PCDH18: variants seen among roughly 807,000 people sequenced by gnomAD.
PCDH18 encodes protocadherin 18.
A neutral mutation model predicts 71.5 loss-of-function variants in PCDH18; 38 were observed. That is an observed-to-expected ratio of 0.53 (90% CI 0.41 to 0.70). The LOEUF (loss-of-function observed/expected upper bound fraction) is 0.70. PCDH18 is among the 30% of genes least tolerant of loss of function. PCDH18 has a pLI of 0.00. For synonymous variants in PCDH18, 565 were observed against 505.4 expected (o/e 1.12, Z -1.58); for missense variants, 1,334 against 1,384.6 (o/e 0.96, Z 0.58).
Position 137,525,853 on chromosome 4 carries a change from T to A in PCDH18, c.2740+2625A>T, listed in dbSNP as rs1246949525. Among the ~76,000 whole-genome samples the A allele has an allele frequency of 5.3e-5, 8 of 151,880 alleles. No individual in the cohort carries two copies. The East Asian group carries it at 1.2e-3, about 22-fold the overall frequency. Reference sequence around the variant, plus strand: ...TGATTGTGCAAATATGAGATTTTTTTTTAAAAATTGTCTCATGTTAAGTGG... The same window carrying A: ...TGATTGTGCAAATATGAGATTTTTTATTAAAAATTGTCTCATGTTAAGTGG... On this transcript the variant is annotated intron_variant, in intron 3 of 3. Coordinates refer to ENST00000344876, the MANE Select transcript of PCDH18 (RefSeq NM_019035.5).
intron 1 of PCDH18, chr4:137,529,367 C>T (rs991431089): frequency 4.9e-6 from 2 of 409,578 alleles, no homozygotes; most frequent in African/African-American, 4.0e-5. Flanking sequence ...GTGACCTTCA[C>T]ATTTATTTTT....
chr4:137,519,717 T>C lies in PCDH18; in HGVS notation c.*1312A>G, dbSNP rs1005120073. 1 of 152,202 alleles carries C rather than the reference T, an allele frequency of 6.6e-6. No homozygotes were observed. The highest frequency in any genetic ancestry group is 2.4e-5 in the African/African-American group (1 of 41,456). 9.4% of individuals were successfully genotyped at this position (152,202 alleles called of 1,614,324 possible). On this transcript the variant is annotated 3_prime_UTR_variant, in exon 4 of 4. Transcript: ENST00000344876. ...AGTTCCTTAGCTTTACTTTAATTTT[T>C]CTTTTATTTTCACTGACAGAAAAAT...
intron 1 of PCDH18, 119 bp from the exon 2 acceptor site, chr4:137,528,939 T>C: frequency 1.3e-6 from 1 of 762,560 alleles, no homozygotes; most frequent in Non-Finnish European, 2.2e-6. Context: ...ATTCTCTCTA[T>C]TTAAAAGATT....
chr4:137,522,062 T>C (rs1341171197), intron 3 of PCDH18, among the ~76,000 whole-genome samples: 1 of 152,340 alleles, frequency 6.6e-6, no homozygotes, highest in African/African-American at 2.4e-5. Context: ...GTGAAACCTA[T>C]AACTTTAGAA....
At position 137,530,234 on chromosome 4, in the gene PCDH18, C is replaced by A. The variant is rs181780749; in HGVS notation, c.1855G>T (p.Ala619Ser). ...DSGVNAELSC[A>S]IVAGNEENIF... ...TTCTCCTCATTACCTGCTACTATGG[C>A]GCAGCTGAGTTCAGCATTCACACCA... The change falls in exon 1 of 4, where the codon GCC becomes TCC. Residue 619 changes from alanine to serine, a missense_variant. By Grantham distance (99) the Ala-to-Ser change is moderately conservative. This residue lies in a region of PCDH18 where 1,011 missense variants were observed against 1,048.0 expected (regional missense o/e 0.96). Coordinates refer to ENST00000344876, the MANE Select transcript of PCDH18 (RefSeq NM_019035.5). The A allele has an allele frequency of 1.9e-6, 3 of 1,614,002 alleles. No homozygotes were observed. The highest frequency in any genetic ancestry group is 2.5e-6 in the Non-Finnish European group (3 of 1,179,986).
chr4:137,531,060 C>A lies in PCDH18; in HGVS notation c.1029G>T (p.Lys343Asn). The A allele has an allele frequency of 1.2e-6, 2 of 1,611,572 alleles. No individual in the cohort carries two copies. Among genetic ancestry groups the A allele is most frequent in the African/African-American group, 1.3e-5 (1 of 74,876 alleles). ...SIPAHCKIIIKVVDVNDNKPE... is the reference protein window; with the variant it reads ...SIPAHCKIIINVVDVNDNKPE... ...GTTTATTGTCATTAACATCCACAAC[C>A]TTAATTATAATTTTGCAATGGGCTG... The change falls in exon 1 of 4, where the codon AAG becomes AAT. Residue 343 changes from lysine (K) to asparagine (N), a missense_variant. Around this residue, in one of 3 missense-constraint regions of PCDH18, gnomAD observed 1,011 missense variants for 1,048.0 expected, o/e 0.96. Coordinates refer to ENST00000344876, the MANE Select transcript of PCDH18 (RefSeq NM_019035.5).
Position 137,532,297 on chromosome 4 carries a change from T to A in PCDH18, c.-209A>T, listed in dbSNP as rs1317632573. On this transcript the variant is annotated 5_prime_UTR_variant, in exon 1 of 4. It adds an upstream start codon to the 5' untranslated region. Coordinates refer to ENST00000344876, the MANE Select transcript of PCDH18 (RefSeq NM_019035.5). ...ATACCTTCGGCATGGAGTCCAGTCC[T>A]TGCGTTTGTTTGGTCGTTCGTCCTC... The A allele has an allele frequency of 1.4e-5, 10 of 703,138 alleles. No individual in the cohort carries two copies. The Admixed American group carries it at 2.0e-4, about 14-fold the overall frequency. The allele number at this position is 703,138 out of a possible 1,614,324, so 43.6% of individuals were successfully genotyped here.
chr4:137,531,628 G>A lies in PCDH18; in HGVS notation c.461C>T (p.Thr154Ile), dbSNP rs201788393. ...IEISESAAVG[T>I]RIPLDSAFDP... ...AAATGCACTGTCCAGGGGAATGCGA[G>A]TCCCAACTGCTGCACTCTCAGATAT... Residue 154 changes from threonine (T) to isoleucine (I), a missense_variant, in exon 1 of 4, where the codon ACT becomes ATT. By Grantham distance (89) the Thr-to-Ile change is moderately conservative. Transcript: ENST00000344876. 2.5e-6 allele frequency: 4 copies of A among 1,613,874 alleles called. No homozygotes were observed. The highest frequency in any genetic ancestry group is 2.2e-5 in the South Asian group (2 of 91,084).
chr4:137,531,240 A>G lies in PCDH18; in HGVS notation c.849T>C (p.Tyr283=). The part of the protein sequence containing the change: ...PDEGANGKIV[Y]SFSSHVSPKI... ...TGGGAGACACATGACTGCTGAAGGA[A>G]TATACAATTTTCCCATTAGCGCCCT... Residue 283 remains tyrosine, a synonymous_variant, in exon 1 of 4, where the codon TAT becomes TAC. Coordinates refer to ENST00000344876, the MANE Select transcript of PCDH18 (RefSeq NM_019035.5). 6.2e-7 allele frequency: 1 copy of G among 1,613,726 alleles called. No homozygotes were observed. The highest frequency in any genetic ancestry group is 8.5e-7 in the Non-Finnish European group (1 of 1,179,840).
Position 137,521,142 on chromosome 4 carries a change from C to T in PCDH18, c.3295G>A (p.Asp1099Asn). Residue 1099 changes from aspartate (D) to asparagine (N), a missense_variant, in exon 4 of 4, where the codon GAT becomes AAT. Physicochemically the swap from Asp to Asn is conservative, Grantham distance 23 (BLOSUM62 1). This residue lies in a region of PCDH18 where 319 missense variants were observed against 316.3 expected (regional missense o/e 1.01). Transcript: ENST00000344876. ...MEEIPENYEEDDFDNVLNHLN... is the reference protein window; with the variant it reads ...MEEIPENYEENDFDNVLNHLN... ...TGGTTGAGCACATTGTCAAAATCAT[C>T]TTCCTCATAATTTTCAGGGATCTCC... 5.0e-6 allele frequency: 8 copies of T among 1,614,070 alleles called. No homozygotes were observed. The highest frequency in any genetic ancestry group is 6.8e-6 in the Non-Finnish European group (8 of 1,179,912).
Position 137,520,856 on chromosome 4 carries a change from A to G in PCDH18, c.*173T>C, listed in dbSNP as rs1310114954. On this transcript the variant is annotated 3_prime_UTR_variant, in exon 4 of 4. Coordinates refer to ENST00000344876, the MANE Select transcript of PCDH18 (RefSeq NM_019035.5). ...TATTTTTAAAATACAGATTAAAATA[A>G]TCACACTTGCATTGTGTACATACGA... 10 of 493,948 alleles carry G rather than the reference A, an allele frequency of 2.0e-5. No homozygotes were observed. Among genetic ancestry groups the G allele is most frequent in the Non-Finnish European group, 3.2e-5 (9 of 281,278 alleles). 30.6% of individuals were successfully genotyped at this position (493,948 alleles called of 1,614,324 possible).
At chr4:137,529,284 A>G in intron 1 of PCDH18, 2 of 277,694 alleles carry the variant, frequency 7.2e-6, no homozygotes, top group Non-Finnish European at 1.3e-5. Context: ...TTGAAAATAA[A>G]GCAAGTCTCT....
Position 137,531,405 on chromosome 4 carries a change from G to A in PCDH18, c.684C>T (p.Gly228=). Residue 228 remains glycine, a synonymous_variant, in exon 1 of 4, where the codon GGC becomes GGT. Transcript: ENST00000344876. The part of the protein sequence containing the change: ...ASDMGVPQRS[G]SSILKISISD... The stretch of plus-strand genomic sequence containing the variant: ...AAATGCTTATTTTTAGTATGGATGA[G>A]CCAGACCTCTGAGGTACTCCCATGT... 6.2e-7 allele frequency: 1 copy of A among 1,612,804 alleles called. No individual in the cohort carries two copies. Among genetic ancestry groups the A allele is most frequent in the South Asian group, 1.1e-5 (1 of 90,954 alleles).
At position 137,530,005 on chromosome 4, in the gene PCDH18, G is replaced by C; in HGVS notation, c.2084C>G (p.Ser695Cys). 1.2e-6 allele frequency: 2 copies of C among 1,614,038 alleles called. No homozygotes were observed. The highest frequency in any genetic ancestry group is 1.7e-6 in the Non-Finnish European group (2 of 1,179,948). The change falls in exon 1 of 4, where the codon TCC becomes TGC. Residue 695 changes from serine (S) to cysteine (C), a missense_variant. Transcript: ENST00000344876. ...AATTATTATCATGGAGACATCCAAG[G>C]ATGCCTGGCTTACTGAAGTCATTGC... The part of the protein sequence containing the change: ...STAMTSVSQA[S>C]LDVSMIIIIS...
intron 3 of PCDH18, among the ~76,000 whole-genome samples, chr4:137,523,927 A>G (rs567178414): frequency 6.6e-6 from 1 of 152,178 alleles, no homozygotes; most frequent in Non-Finnish European, 1.5e-5. Flanking sequence ...AGAAAAGACT[A>G]ATGGAGGGAA....
In PCDH18 at chr4:137,531,623, T is replaced by C; in HGVS notation, c.466A>G (p.Ile156Val). ...GGATCAAATGCACTGTCCAGGGGAA[T>C]GCGAGTCCCAACTGCTGCACTCTCA... The part of the protein sequence containing the change: ...ISESAAVGTR[I>V]PLDSAFDPDV... The change falls in exon 1 of 4, where the codon ATT (isoleucine) becomes GTT (valine). Residue 156 changes from isoleucine to valine, a missense_variant. Ile to Val is a conservative substitution (Grantham distance 29). This residue lies in a region of PCDH18 where 1,011 missense variants were observed against 1,048.0 expected (regional missense o/e 0.96). Transcript: ENST00000344876. The C allele has an allele frequency of 6.2e-7, 1 of 1,613,954 alleles. No homozygotes were observed. Among genetic ancestry groups the C allele is most frequent in the Non-Finnish European group, 8.5e-7 (1 of 1,179,848 alleles).
chr4:137,529,792 T>C lies in PCDH18; in HGVS notation c.2297A>G (p.Asn766Ser). 3 of 1,613,116 alleles carry C rather than the reference T, an allele frequency of 1.9e-6. No individual in the cohort carries two copies. Among genetic ancestry groups the C allele is most frequent in the Non-Finnish European group, 2.5e-6 (3 of 1,179,442 alleles). Reference sequence around the variant, plus strand: ...ATGAGATCTGATGGGCAGAGTGCCATTTATGGTAGGCACCAATGTGATGTC... The same window carrying C: ...ATGAGATCTGATGGGCAGAGTGCCACTTATGGTAGGCACCAATGTGATGTC... Reference protein sequence around the residue: ...KGDITLVPTINGTLPIRSHHR... With the variant: ...KGDITLVPTISGTLPIRSHHR... Residue 766 changes from asparagine (N) to serine (S), a missense_variant, in exon 1 of 4, where the codon AAT becomes AGT. Transcript: ENST00000344876.
chr4:137,522,196 A>G (rs530789109), intron 3 of PCDH18, among the ~76,000 whole-genome samples: 29 of 152,340 alleles, frequency 1.9e-4, no homozygotes, highest in South Asian at 4.1e-4. Flanking sequence ...AATCTCTCTT[A>G]AAGATATTAC....
rs1347847396 is a variant in PCDH18, at chr4:137,531,517, T to C, written c.572A>G (p.Asp191Gly). Residue 191 changes from aspartate to glycine, a missense_variant, in exon 1 of 4, where the codon GAT (aspartate) becomes GGT (glycine). Physicochemically the swap from Asp to Gly is moderately conservative, Grantham distance 94. Around this residue, in one of 3 missense-constraint regions of PCDH18, gnomAD observed 1,011 missense variants for 1,048.0 expected, o/e 0.96. Transcript: ENST00000344876. Reference protein sequence around the residue: ...FFNIEVRTRTDGAKYAELIVV... With the variant: ...FFNIEVRTRTGGAKYAELIVV... ...TATGAGTTCTGCATACTTGGCTCCA[T>C]CAGTCCTGGTCCGAACCTCGATATT... 6.2e-7 allele frequency: 1 copy of C among 1,613,658 alleles called. No individual in the cohort carries two copies. Among genetic ancestry groups the C allele is most frequent in the Non-Finnish European group, 8.5e-7 (1 of 1,179,838 alleles).
Sources: allele counts gnomAD v4.1 joint callset (sites outside exome capture counted in the v4.1 genomes callset), GRCh38; gene constraint gnomAD v4.1.1; regional missense constraint gnomAD v4.1.1; transcripts MANE v1.5; gene names NCBI Gene and HGNC (gene_info 2026-07-23, HGNC 2026-07-21).